Variants in EYA2 observed in about 807,000 individuals in gnomAD.
EYA2 encodes the protein protein phosphatase EYA2.
Under a neutral mutation model 69.2 loss-of-function variants are expected in EYA2, and 31 were observed. The observed-to-expected ratio is 0.45, with a 90% CI of 0.34 to 0.60. The LOEUF (loss-of-function observed/expected upper bound fraction) is 0.60. EYA2 is among the 20% of genes least tolerant of loss of function. The pLI is 0.02. For synonymous variants in EYA2, 257 were observed against 279.4 expected (o/e 0.92, Z 0.80); for missense variants, 622 against 701.2 (o/e 0.89, Z 1.28).
rs796317575 is a variant in EYA2, at chr20:46,929,172, A to G, written c.-11+34185A>G. Among the ~76,000 whole-genome samples the G allele has an allele frequency of 4.3e-3, 618 of 144,886 alleles. 6 individuals are homozygous for G. Among genetic ancestry groups the G allele is most frequent in the African/African-American group, 0.015 (587 of 39,372 alleles). ...TTGTGCAAAAAAAAAAAAAAAAAAA[A>G]GAAGAAAAGAAAATTCACTTAAAGT... On this transcript the variant is annotated intron_variant, in intron 1 of 15. Transcript: ENST00000327619.
chr20:46,950,588 C>T (rs938737055), intron 1 of EYA2, among the ~76,000 whole-genome samples: 3 of 152,212 alleles, frequency 2.0e-5, no homozygotes, highest in Non-Finnish European at 2.9e-5. Context: ...AGTAATGGAA[C>T]ATTAAGCAGG....
chr20:46,973,922 T>C (rs1244661837), intron 1 of EYA2, among the ~76,000 whole-genome samples: 1 of 152,124 alleles, frequency 6.6e-6, no homozygotes, highest in Admixed American at 6.5e-5. Flanking sequence ...GGGGTAATGA[T>C]GTAATTAGAG....
At chr20:47,063,300 G>T (rs930885169) in intron 5 of EYA2, among the ~76,000 whole-genome samples, 2 of 151,902 alleles carry the variant, frequency 1.3e-5, no homozygotes, top group Non-Finnish European at 2.9e-5. Context: ...TACTTTATAT[G>T]AATACAAATC....
chr20:47,135,175 T>C (rs796450844), intron 9 of EYA2, among the ~76,000 whole-genome samples: 6 of 150,924 alleles, frequency 4.0e-5, no homozygotes, highest in African/African-American at 1.5e-4. Flanking sequence ...AGTTCCATAG[T>C]TTGCTGACTC....
intron 1 of EYA2, among the ~76,000 whole-genome samples, chr20:46,987,566 G>A (rs1981313205): frequency 6.6e-6 from 1 of 152,112 alleles, no homozygotes; most frequent in Non-Finnish European, 1.5e-5. Flanking sequence ...TTTGTGGAAT[G>A]CATCTGTGTC....
chr20:46,947,847 T>G (rs1433469775), intron 1 of EYA2, among the ~76,000 whole-genome samples: 1 of 152,140 alleles, frequency 6.6e-6, no homozygotes, highest in Non-Finnish European at 1.5e-5. Flanking sequence ...CTGGGCATGG[T>G]GTCTCCTGCC....
intron 5 of EYA2, among the ~76,000 whole-genome samples, chr20:47,032,433 G>A (rs990985623): frequency 2.0e-5 from 3 of 152,116 alleles, no homozygotes; most frequent in African/African-American, 7.2e-5. Context: ...AGTGCTATTA[G>A]TGTGTATCTT....
chr20:47,180,049 TTG>T lies in EYA2; in HGVS notation c.1313+138_1313+139del. On this transcript the variant is annotated intron_variant, in intron 13 of 15. Coordinates refer to ENST00000327619, the MANE Select transcript of EYA2 (RefSeq NM_005244.5). Reference sequence around the variant, plus strand: ...TACACTTTCCAAATATTTTTTTTTTTTGATATGGAGTCTCACTCTGTCGCCCA... The same window carrying T: ...TACACTTTCCAAATATTTTTTTTTTTATATGGAGTCTCACTCTGTCGCCCA... 4 of 637,306 alleles carry T rather than the reference TTG, an allele frequency of 6.3e-6. No homozygotes were observed. The Admixed American group carries it at 8.4e-5, about 13-fold the overall frequency. 39.5% of individuals were successfully genotyped at this position (637,306 alleles called of 1,614,324 possible).
Position 47,117,602 on chromosome 20 carries a change from C to T in EYA2, c.888+20434C>T, listed in dbSNP as rs575727661. ...TCAATCAGATCCAGTTGGCGATAGG[C>T]GGCTTGGCCTGTCTGTTACTGCTTT... is the stretch of plus-strand genomic sequence containing the variant. On this transcript the variant is annotated intron_variant, in intron 9 of 15. Transcript: ENST00000327619. 1.9e-5 allele frequency: 19 copies of T among 985,270 alleles called. No homozygotes were observed. In the East Asian group the frequency reaches 1.7e-3, roughly 88 times the overall value. The allele number at this position is 985,270 out of a possible 1,614,324, so 61.0% of individuals were successfully genotyped here. A position where few individuals can be genotyped will look rare whatever the true frequency, so the allele number is the denominator to read the frequency against.
chr20:47,017,182 A>T (rs1210362808), intron 5 of EYA2, among the ~76,000 whole-genome samples: 1 of 152,072 alleles, frequency 6.6e-6, no homozygotes, highest in Non-Finnish European at 1.5e-5. Flanking sequence ...GCTGGAGTTG[A>T]TGCATGGAGC....
intron 9 of EYA2, among the ~76,000 whole-genome samples, chr20:47,114,203 G>A (rs759119805): frequency 2.0e-5 from 3 of 152,236 alleles, no homozygotes; most frequent in Non-Finnish European, 4.4e-5. Flanking sequence ...TGAGAACCCT[G>A]AGGCTCACCT....
At chr20:47,179,760 T>C (rs1245826660) in intron 12 of EYA2, 38 bp from the exon 13 acceptor site, 1 of 1,462,232 alleles carries the variant, frequency 6.8e-7, no homozygotes, top group Admixed American at 1.7e-5. Context: ...CAGATCTTTC[T>C]AATACGATGA....
chr20:47,183,261 G>A (rs780309306), intron 14 of EYA2, 30 bp from the exon 15 acceptor site: 13 of 1,609,922 alleles, frequency 8.1e-6, no homozygotes, highest in Middle Eastern at 1.6e-4. Flanking sequence ...CTCACAGAGC[G>A]TTTTTTCTTT....
Position 47,162,024 on chromosome 20 carries a change from G to A in EYA2, c.979-7115G>A, listed in dbSNP as rs552386695. Among the ~76,000 whole-genome samples the A allele has an allele frequency of 5.9e-5, 9 of 152,248 alleles. No homozygotes were observed. The South Asian group carries it at 1.9e-3, about 32-fold the overall frequency. On this transcript the variant is annotated intron_variant, in intron 10 of 15. Coordinates refer to ENST00000327619, the MANE Select transcript of EYA2 (RefSeq NM_005244.5). ...GGTTCCTTCTGAGGGCTGCAAGGGAGAATCTTTTCCTTGCCTTTCTCCTAG... is the reference window on the plus strand; with the variant it reads ...GGTTCCTTCTGAGGGCTGCAAGGGAAAATCTTTTCCTTGCCTTTCTCCTAG...
chr20:47,160,855 C>T, intron 10 of EYA2: 1 of 251,622 alleles, frequency 4.0e-6, no homozygotes, highest in Non-Finnish European at 7.4e-6. Flanking sequence ...GTAGCCACAG[C>T]TGGAGCCTGA....
chr20:46,914,721 T>G (rs1427556217), intron 1 of EYA2, among the ~76,000 whole-genome samples: 1 of 152,136 alleles, frequency 6.6e-6, no homozygotes. Context: ...GAACTATAAT[T>G]CAAGATGAGA....
intron 5 of EYA2, among the ~76,000 whole-genome samples, chr20:47,037,900 A>G (rs1984811245): frequency 6.6e-6 from 1 of 152,082 alleles, no homozygotes; most frequent in Non-Finnish European, 1.5e-5. Flanking sequence ...TGGGATTCGT[A>G]TTGGATATCT....
intron 9 of EYA2, among the ~76,000 whole-genome samples, chr20:47,103,087 G>A (rs1172732202): frequency 6.6e-6 from 1 of 151,928 alleles, no homozygotes; most frequent in Non-Finnish European, 1.5e-5. Flanking sequence ...TGTTGTTGTT[G>A]TTAATAACAA....
Position 47,089,256 on chromosome 20 carries a change from A to C in EYA2, c.679A>C (p.Asn227His), listed in dbSNP as rs1421209622. ...ESLAGEYNTHNGPSTPAKEGD... is the reference protein window; with the variant it reads ...ESLAGEYNTHHGPSTPAKEGD... ...TACGCCAGGTGAATACAACACACAC[A>C]ATGGACCTTCCACACCAGCGAAAGA... Residue 227 changes from asparagine to histidine, a missense_variant, in exon 8 of 16, where the codon AAT becomes CAT. This residue lies in a region of EYA2 where 365 missense variants were observed against 349.7 expected (regional missense o/e 1.04). Transcript: ENST00000327619. The C allele has an allele frequency of 1.2e-6, 2 of 1,614,086 alleles. No homozygotes were observed. The highest frequency in any genetic ancestry group is 3.3e-5 in the Admixed American group (2 of 60,018).
Sources: allele counts gnomAD v4.1 joint callset (sites outside exome capture counted in the v4.1 genomes callset), GRCh38; gene constraint gnomAD v4.1.1; regional missense constraint gnomAD v4.1.1; transcripts MANE v1.5; gene names NCBI Gene and HGNC (gene_info 2026-07-23, HGNC 2026-07-21).